Variants in TDRKH observed in about 807,000 individuals in gnomAD.
TDRKH encodes tudor and KH domain containing.
In TDRKH, 28 loss-of-function variants were observed where a neutral mutation model predicts 61.3. The observed-to-expected ratio is 0.46, with a 90% CI of 0.34 to 0.63. TDRKH has a LOEUF of 0.63. Among genes scored for constraint, TDRKH ranks in the 20% least tolerant of loss-of-function variants. TDRKH has a pLI of 0.01. For missense variants in TDRKH, 540 were observed against 683.4 expected (o/e 0.79, Z 2.34); for synonymous variants, 219 against 244.4 (o/e 0.90, Z 0.97).
rs1648958219 is a variant in TDRKH, at chr1:151,774,509, T to G, written c.1634-5A>C. 2 of 1,614,028 alleles carry G rather than the reference T, an allele frequency of 1.2e-6. No individual in the cohort carries two copies. Among genetic ancestry groups the G allele is most frequent in the South Asian group, 1.1e-5 (1 of 91,082 alleles). The stretch of plus-strand genomic sequence containing the variant: ...CACCAGACATGGAAGCAGCTTCTAT[T>G]GAAGATAAATAAGAAGGAGAAAGTT... On this transcript the variant is annotated splice_region_variant and splice_polypyrimidine_tract_variant and intron_variant, in intron 12 of 12. Coordinates refer to ENST00000368824, the MANE Select transcript of TDRKH (RefSeq NM_001083965.2).
At chr1:151,766,887 A>C (rs1648378629), downstream of TDRKH, 1 of 1,605,668 alleles carries the variant, frequency 6.2e-7, no homozygotes. Flanking sequence ...TTGTTATAAA[A>C]GGTACTTGTT....
downstream of TDRKH, chr1:151,766,559 A>T: frequency 1.5e-6 from 1 of 681,230 alleles, no homozygotes; most frequent in Non-Finnish European, 2.5e-6. Flanking sequence ...TGGATAAGGG[A>T]TTAGGGTAGA....
Position 151,787,985 on chromosome 1 carries a change from C to G in TDRKH, c.-28+2395G>C, listed in dbSNP as rs553210305. On this transcript the variant is annotated intron_variant, in intron 1 of 12. Transcript: ENST00000368824. ...TGGGCAACAGAGCGAGAATTTGTCT[C>G]AAGGGGTTTAAAAAAAAAAAGTATA... 2.6e-5 allele frequency among the ~76,000 whole-genome samples: 4 copies of G among 151,646 alleles called. No homozygotes were observed. In the East Asian group the frequency reaches 7.8e-4, roughly 29 times the overall value.
At chr1:151,766,975 G>T (rs1271720128), downstream of TDRKH, 24 of 1,416,792 alleles carry the variant, frequency 1.7e-5, no homozygotes. Context: ...CAAATGGCAA[G>T]AAATAACAAC....
intron 1 of TDRKH, chr1:151,783,299 C>CA (rs1402713072): frequency 6.7e-5 from 13 of 194,328 alleles, no homozygotes; most frequent in Non-Finnish European, 9.3e-5. Context: ...TTTTAAAAGA[C>CA]AAAAAAAATT....
At chr1:151,789,771 T>C (rs1453491863) in intron 1 of TDRKH, among the ~76,000 whole-genome samples, 4 of 152,128 alleles carry the variant, frequency 2.6e-5, no homozygotes, top group Non-Finnish European at 4.4e-5. Context: ...TACAACATGG[T>C]GACATGCTTG....
chr1:151,772,225 C>T (rs1339612406), downstream of TDRKH, among the ~76,000 whole-genome samples: 1 of 152,058 alleles, frequency 6.6e-6, no homozygotes, highest in Non-Finnish European at 1.5e-5. Context: ...CTCAGCCTCT[C>T]AAGTAGCTAG....
At chr1:151,768,541 G>T (rs930898183), downstream of TDRKH, among the ~76,000 whole-genome samples, 6 of 152,186 alleles carry the variant, frequency 3.9e-5, no homozygotes, top group African/African-American at 1.4e-4. Context: ...TGGCTTCCAA[G>T]AAAAATCTAC....
At chr1:151,774,569 A>C in intron 12 of TDRKH, 65 bp from the exon 13 acceptor site, 1 of 1,597,924 alleles carries the variant, frequency 6.3e-7, no homozygotes, top group Admixed American at 1.7e-5. Context: ...AATGCCAGCG[A>C]GGCTCAAAAG....
At chr1:151,785,393 T>C (rs1650219847) in intron 1 of TDRKH, among the ~76,000 whole-genome samples, 1 of 152,224 alleles carries the variant, frequency 6.6e-6, no homozygotes, top group African/African-American at 2.4e-5. Context: ...ATCTTTTCCC[T>C]AGATTACTGC....
intron 1 of TDRKH, among the ~76,000 whole-genome samples, chr1:151,786,367 G>A (rs974482132): frequency 2.0e-5 from 3 of 152,206 alleles, no homozygotes; most frequent in Non-Finnish European, 2.9e-5. Flanking sequence ...GTGACTAAGA[G>A]GCGGGTAGCA....
downstream of TDRKH, chr1:151,767,062 T>A (rs1571968109): frequency 6.6e-7 from 1 of 1,513,388 alleles, no homozygotes; most frequent in East Asian, 2.3e-5. Context: ...AGAAACAGGC[T>A]GGACAACAGA....
At position 151,781,328 on chromosome 1, in the gene TDRKH, A is replaced by AATAT. The variant is rs60652277; in HGVS notation, c.231+149_231+152dup. Among the ~76,000 whole-genome samples, 28 of 68,598 alleles carry AATAT rather than the reference A, an allele frequency of 4.1e-4. 2 individuals are homozygous for AATAT. Among genetic ancestry groups the AATAT allele is most frequent in the Non-Finnish European group, 7.5e-4 (22 of 29,286 alleles). The allele number at this position is 68,598 out of a possible 152,430, so 45.0% of individuals were successfully genotyped here. A position where few individuals can be genotyped will look rare whatever the true frequency, so the allele number is the denominator to read the frequency against. ...GCGAAACTCCATCTCAAAAAAAAAA[A>AATAT]ATATATATATATATATTTTATATAT... On this transcript the variant is annotated intron_variant, in intron 3 of 12. Transcript: ENST00000368824.
chr1:151,780,526 A>G (rs1649649944), intron 3 of TDRKH, among the ~76,000 whole-genome samples: 1 of 152,234 alleles, frequency 6.6e-6, no homozygotes, highest in Non-Finnish European at 1.5e-5. Flanking sequence ...TTTACTGTCA[A>G]TTAATGAGAG....
chr1:151,771,019 G>A, downstream of TDRKH: 1 of 1,513,088 alleles, frequency 6.6e-7, no homozygotes, highest in Non-Finnish European at 8.8e-7. Flanking sequence ...CAAATCTGGG[G>A]GCATACATGT....
intron 1 of TDRKH, among the ~76,000 whole-genome samples, chr1:151,786,413 C>T (rs1328872343): frequency 6.6e-6 from 1 of 152,180 alleles, no homozygotes; most frequent in South Asian, 2.1e-4. Context: ...AGGCAGGATT[C>T]TCGTCTGGGC....
intron 3 of TDRKH, among the ~76,000 whole-genome samples, chr1:151,780,933 C>T (rs1447840268): frequency 6.6e-6 from 1 of 151,876 alleles, no homozygotes; most frequent in Non-Finnish European, 1.5e-5. Context: ...GCTAAGTCAT[C>T]CTTTCTCTAG....
At chr1:151,784,314 C>T (rs764270344) in intron 1 of TDRKH, among the ~76,000 whole-genome samples, 18 of 152,216 alleles carry the variant, frequency 1.2e-4, no homozygotes, top group Non-Finnish European at 2.4e-4. Context: ...CATCAGCAGA[C>T]AAACATTCTC....
chr1:151,770,693 G>A, downstream of TDRKH: 1 of 235,718 alleles, frequency 4.2e-6, no homozygotes, highest in Non-Finnish European at 8.2e-6. Context: ...TATAAGGGAT[G>A]GTGAATAACC....
Sources: gnomAD v4.1 joint callset for allele counts (sites outside exome capture counted in the v4.1 genomes callset) on GRCh38, gnomAD v4.1.1 for gene constraint, MANE v1.5 for transcripts, NCBI Gene and HGNC (gene_info 2026-07-23, HGNC 2026-07-21) for gene names.